The following ARHGEF11 variants were observed in gnomAD, a reference collection of about 807,000 sequenced individuals.
ARHGEF11 encodes the protein Rho guanine nucleotide exchange factor 11, also known as Rho guanine exchange factor (GEF) 11.
Under a neutral mutation model 193.7 loss-of-function variants are expected in ARHGEF11, and 55 were observed. That is an observed-to-expected ratio of 0.28 (90% CI 0.23 to 0.36). The LOEUF (loss-of-function observed/expected upper bound fraction) is 0.36. ARHGEF11 is among the 10% of genes least tolerant of loss of function. The probability of loss-of-function intolerance (pLI) is 1.00; values close to 1 mark genes in which losing one functional copy is unlikely to be tolerated. For missense variants in ARHGEF11, 1,723 were observed against 2,005.6 expected, an observed-to-expected ratio of 0.86 and a Z score of 2.69; for synonymous variants, 693 against 768.0, an observed-to-expected ratio of 0.90 and a Z score of 1.62.
chr1:156,990,665 G>A (rs952106335), intron 1 of ARHGEF11, among the ~76,000 whole-genome samples: 1 of 151,612 alleles, frequency 6.6e-6, no homozygotes, highest in African/African-American at 2.4e-5. Context: ...TGTTTCCCCC[G>A]CAAAGTAATA....
intron 10 of ARHGEF11, 48 bp from the exon 11 acceptor site, chr1:156,968,172 C>G: frequency 6.4e-7 from 1 of 1,571,802 alleles, no homozygotes; most frequent in Non-Finnish European, 8.6e-7. Flanking sequence ...CCGGAAGACC[C>G]TCAAGGCTCA....
intron 1 of ARHGEF11, among the ~76,000 whole-genome samples, chr1:157,027,889 G>A (rs549860724): frequency 1.3e-5 from 2 of 152,250 alleles, no homozygotes; most frequent in South Asian, 2.1e-4. Context: ...TCGCCATGTA[G>A]AAAGATAATC....
intron 1 of ARHGEF11, among the ~76,000 whole-genome samples, chr1:156,998,914 T>C (rs1459085771): frequency 6.6e-6 from 1 of 152,238 alleles, no homozygotes; most frequent in African/African-American, 2.4e-5. Flanking sequence ...TTCTGCCATT[T>C]ACTAGCTGTG....
chr1:157,037,847 A>G (rs1672233043), intron 1 of ARHGEF11, among the ~76,000 whole-genome samples: 1 of 151,908 alleles, frequency 6.6e-6, no homozygotes, highest in Non-Finnish European at 1.5e-5. Flanking sequence ...TCTGGCCAAC[A>G]TGGTGAAACC....
rs1658597569 is a variant in ARHGEF11 at position 156,948,611 on chromosome 1, TCTC to T, written c.1926-116_1926-114del. On this transcript the variant is annotated intron_variant, in intron 22 of 40. Coordinates refer to ENST00000368194, the MANE Select transcript of ARHGEF11 (RefSeq NM_198236.3). The surrounding 1 kb of genome is among the most constrained non-coding windows in gnomAD (Gnocchi z 4.2). ...TCAAAGATGCCTCCGTGCCACAGGT[TCTC>T]CTCCTGAACATGGCCAAAGCAGCTG... 1 of 1,597,794 alleles carries T rather than the reference TCTC, an allele frequency of 6.3e-7. No individual in the cohort carries two copies. Among genetic ancestry groups the T allele is most frequent in the Non-Finnish European group, 8.5e-7 (1 of 1,174,182 alleles).
At chr1:156,983,457 C>T (rs1189787616) in intron 3 of ARHGEF11, among the ~76,000 whole-genome samples, 3 of 152,118 alleles carry the variant, frequency 2.0e-5, no homozygotes, top group Non-Finnish European at 2.9e-5. Context: ...CTCCTGACCT[C>T]GTGATCCGCG....
intron 1 of ARHGEF11, among the ~76,000 whole-genome samples, chr1:157,030,659 C>G (rs141031938): frequency 0.013 from 1,966 of 152,044 alleles, 40 homozygotes; most frequent in African/African-American, 0.045. Context: ...AGGAACAGCA[C>G]TAGGTTAGGG....
At chr1:157,004,831 A>G (rs6672021) in intron 1 of ARHGEF11, among the ~76,000 whole-genome samples, 31,581 of 152,114 alleles carry the variant, frequency 0.21, 3,533 homozygotes, top group East Asian at 0.44. Flanking sequence ...AGACCCCCCA[A>G]ACGTAAAAAT....
At chr1:157,028,004 G>C (rs962204266) in intron 1 of ARHGEF11, among the ~76,000 whole-genome samples, 2 of 152,208 alleles carry the variant, frequency 1.3e-5, no homozygotes, top group African/African-American at 4.8e-5. Context: ...AAAGGTGCCA[G>C]AGTGAAGAAG....
At chr1:156,972,925 A>T (rs1018510745) in intron 7 of ARHGEF11, among the ~76,000 whole-genome samples, 15 of 152,120 alleles carry the variant, frequency 9.9e-5, no homozygotes, top group Non-Finnish European at 2.1e-4. Context: ...CATCCTACAA[A>T]ATGTTCGAGT....
At chr1:157,041,415 T>C (rs1399309960) in intron 1 of ARHGEF11, among the ~76,000 whole-genome samples, 1 of 152,230 alleles carries the variant, frequency 6.6e-6, no homozygotes, top group Non-Finnish European at 1.5e-5. Context: ...ATGCTTTCTA[T>C]GGACCCAGGA....
intron 1 of ARHGEF11, among the ~76,000 whole-genome samples, chr1:157,034,512 G>A (rs1001574686): frequency 5.3e-5 from 8 of 152,242 alleles, no homozygotes; most frequent in East Asian, 1.9e-4. Context: ...CAATGAGAAC[G>A]AGAGGAATTT....
At chr1:156,980,414 G>A (rs1329078447) in intron 4 of ARHGEF11, 23 bp downstream of exon 4, 3 of 1,599,838 alleles carry the variant, frequency 1.9e-6, no homozygotes, top group Non-Finnish European at 8.5e-7. Context: ...CTGGGAGTGG[G>A]AGTGTGTGTT....
chr1:156,981,821 C>A (rs1193638101), intron 3 of ARHGEF11, among the ~76,000 whole-genome samples: 1 of 152,126 alleles, frequency 6.6e-6, no homozygotes. Flanking sequence ...TAATTTACAT[C>A]CAGGAAGCAC....
intron 14 of ARHGEF11, among the ~76,000 whole-genome samples, chr1:156,961,010 A>C (rs1259325484): frequency 6.6e-6 from 1 of 152,228 alleles, no homozygotes; most frequent in Non-Finnish European, 1.5e-5. Flanking sequence ...GGGCAAATAT[A>C]AAACTCTTAA....
chr1:156,992,480 C>T (rs752048646), intron 1 of ARHGEF11, among the ~76,000 whole-genome samples: 6 of 152,230 alleles, frequency 3.9e-5, no homozygotes, highest in Admixed American at 2.6e-4. Context: ...TATGCATCCA[C>T]ATGCTCCTCA....
At position 156,937,483 on chromosome 1, in the gene ARHGEF11, A is replaced by G. The variant is rs1361337351; in HGVS notation, c.4206T>C (p.Tyr1402=). 1 of 1,525,510 alleles carries G rather than the reference A, an allele frequency of 6.6e-7. No individual in the cohort carries two copies. The highest frequency in any genetic ancestry group is 8.8e-7 in the Non-Finnish European group (1 of 1,138,972). 94.5% of individuals were successfully genotyped at this position (1,525,510 alleles called of 1,614,324 possible). Reference sequence around the variant, plus strand: ...CCGGGGGTCCTGATGGCATGCTGACATAAAAGCAGTTCCCTGTCCCCACAG... The same window carrying G: ...CCGGGGGTCCTGATGGCATGCTGACGTAAAAGCAGTTCCCTGTCCCCACAG... ...GGTKATGNCF[Y]VSMPSGPPDS... is the part of the protein sequence containing the mutation. Residue 1402 remains tyrosine, a synonymous_variant, in exon 39 of 41, where the codon TAT becomes TAC. Transcript: ENST00000368194.
intron 30 of ARHGEF11, 150 bp downstream of exon 30, chr1:156,944,869 G>C: frequency 9.3e-7 from 1 of 1,070,152 alleles, no homozygotes; most frequent in Non-Finnish European, 1.3e-6. Flanking sequence ...GGTGACAATA[G>C]CAGGGTGTGT....
chr1:157,029,026 G>A (rs188467446), intron 1 of ARHGEF11, among the ~76,000 whole-genome samples: 1 of 151,970 alleles, frequency 6.6e-6, no homozygotes, highest in Non-Finnish European at 1.5e-5. Flanking sequence ...AACTAGCCAG[G>A]CGTGGTGGCA....
Sources: allele counts gnomAD v4.1 joint callset (sites outside exome capture counted in the v4.1 genomes callset), GRCh38; gene constraint gnomAD v4.1.1; non-coding constraint Gnocchi (gnomAD v3.1); transcripts MANE v1.5; gene names NCBI Gene and HGNC (gene_info 2026-07-23, HGNC 2026-07-21).